The following CERS6 variants were observed in gnomAD, a reference collection of about 807,000 sequenced individuals.
CERS6 encodes the protein LAG1 homolog, ceramide synthase 6.
In CERS6, 26 loss-of-function variants were observed where a neutral mutation model predicts 56.8. The observed-to-expected ratio is 0.46, with a 90% CI of 0.34 to 0.63. The LOEUF (loss-of-function observed/expected upper bound fraction) is 0.63, where lower values mean the gene tolerates loss of function less well. CERS6 is among the 30% of genes least tolerant of loss of function. The probability of loss-of-function intolerance (pLI) is 0.01; values close to 1 mark genes in which losing one functional copy is unlikely to be tolerated. For missense variants in CERS6, 415 were observed against 467.5 expected, an observed-to-expected ratio of 0.89 and a Z score of 1.04; for synonymous variants, 164 against 173.3, an observed-to-expected ratio of 0.95 and a Z score of 0.42.
At chr2:168,603,797 A>G (rs1365624588) in intron 3 of CERS6, among the ~76,000 whole-genome samples, 1 of 152,212 alleles carries the variant, frequency 6.6e-6, no homozygotes, top group Non-Finnish European at 1.5e-5. Flanking sequence ...TTAGGAGCTT[A>G]AAGAGTCTGC....
intron 8 of CERS6, among the ~76,000 whole-genome samples, chr2:168,737,828 T>C (rs941235509): frequency 2.0e-5 from 3 of 152,214 alleles, no homozygotes; most frequent in Non-Finnish European, 2.9e-5. Context: ...TTGGGAAATA[T>C]TTAGTGACAG....
intron 1 of CERS6, among the ~76,000 whole-genome samples, chr2:168,523,578 C>T (rs1285159840): frequency 2.6e-5 from 4 of 151,970 alleles, no homozygotes; most frequent in African/African-American, 4.8e-5. Flanking sequence ...CAAGCTCTGG[C>T]CATTAGGGAC....
chr2:168,659,745 G>T (rs1214162828), intron 4 of CERS6, among the ~76,000 whole-genome samples: 1 of 151,688 alleles, frequency 6.6e-6, no homozygotes, highest in Non-Finnish European at 1.5e-5. Flanking sequence ...AAGTTGGATG[G>T]TGGCTTGGCT....
intron 1 of CERS6, among the ~76,000 whole-genome samples, chr2:168,539,945 T>C (rs986011968): frequency 6.6e-6 from 1 of 152,238 alleles, no homozygotes; most frequent in African/African-American, 2.4e-5. Flanking sequence ...GCAAGCACTT[T>C]TGTATTTACC....
chr2:168,523,623 C>G (rs1695021956), intron 1 of CERS6, among the ~76,000 whole-genome samples: 1 of 151,996 alleles, frequency 6.6e-6, no homozygotes, highest in African/African-American at 2.4e-5. Flanking sequence ...GGCCAATAAC[C>G]AAATGACTAT....
At chr2:168,665,795 C>T (rs1448898125) in intron 4 of CERS6, among the ~76,000 whole-genome samples, 3 of 152,224 alleles carry the variant, frequency 2.0e-5, no homozygotes, top group Non-Finnish European at 4.4e-5. Flanking sequence ...AGTAAGTGAA[C>T]GAACTACAGT....
chr2:168,541,736 C>T (rs575092297), intron 1 of CERS6, among the ~76,000 whole-genome samples: 14 of 152,124 alleles, frequency 9.2e-5, no homozygotes, highest in Non-Finnish European at 1.9e-4. Flanking sequence ...TGGCTTTAGT[C>T]TCAGATAAAT....
chr2:168,533,204 A>G (rs1305484738), intron 1 of CERS6, among the ~76,000 whole-genome samples: 2 of 152,140 alleles, frequency 1.3e-5, no homozygotes, highest in Non-Finnish European at 2.9e-5. Context: ...CATCAGGGAT[A>G]TTGGCCTGAA....
intron 3 of CERS6, among the ~76,000 whole-genome samples, chr2:168,568,180 G>T (rs1695917770): frequency 6.6e-6 from 1 of 152,206 alleles, no homozygotes; most frequent in Non-Finnish European, 1.5e-5. Flanking sequence ...TACTGCTGTG[G>T]TCTGCCTACA....
chr2:168,518,984 C>T (rs189407939), intron 1 of CERS6, among the ~76,000 whole-genome samples: 10 of 152,210 alleles, frequency 6.6e-5, no homozygotes, highest in East Asian at 5.8e-4. Flanking sequence ...TGGAATTGCC[C>T]GGGGAGCTCC....
intron 8 of CERS6, among the ~76,000 whole-genome samples, chr2:168,743,136 T>C (rs1416961865): frequency 6.6e-6 from 1 of 151,022 alleles, no homozygotes; most frequent in Non-Finnish European, 1.5e-5. Context: ...GGAAGGATTA[T>C]TGTCTATATT....
chr2:168,584,249 G>A (rs1683487891), intron 3 of CERS6, among the ~76,000 whole-genome samples: 1 of 152,222 alleles, frequency 6.6e-6, no homozygotes, highest in South Asian at 2.1e-4. Flanking sequence ...GTGAGCTGCA[G>A]TGAAACTGTA....
chr2:168,505,402 GA>G (rs1287343732), intron 1 of CERS6, among the ~76,000 whole-genome samples: 10 of 90,344 alleles, frequency 1.1e-4, no homozygotes, highest in African/African-American at 4.1e-4. Flanking sequence ...AAAAAAAAAA[GA>G]AAAAAAAAGA....
chr2:168,670,388 C>T (rs1685877369), intron 4 of CERS6, among the ~76,000 whole-genome samples: 2 of 152,080 alleles, frequency 1.3e-5, no homozygotes, highest in South Asian at 2.1e-4. Flanking sequence ...TCTAATTATC[C>T]CCATCCCAGA....
At chr2:168,511,342 C>T (rs1574033200) in intron 1 of CERS6, among the ~76,000 whole-genome samples, 1 of 152,250 alleles carries the variant, frequency 6.6e-6, no homozygotes, top group East Asian at 1.9e-4. Flanking sequence ...CCATCATCTC[C>T]CATTGAATTG....
At chr2:168,743,714 A>G (rs2105433586) in intron 8 of CERS6, among the ~76,000 whole-genome samples, 1 of 152,298 alleles carries the variant, frequency 6.6e-6, no homozygotes, top group Non-Finnish European at 1.5e-5. Context: ...AAAGTCTGTA[A>G]TCAACATTGC....
chr2:168,489,784 G>A (rs1162626262), intron 1 of CERS6, among the ~76,000 whole-genome samples: 1 of 151,986 alleles, frequency 6.6e-6, no homozygotes, highest in African/African-American at 2.4e-5. Context: ...TCACCATGGA[G>A]GATATTTATA....
intron 3 of CERS6, among the ~76,000 whole-genome samples, chr2:168,622,293 T>A (rs1270148642): frequency 6.6e-6 from 1 of 152,216 alleles, no homozygotes; most frequent in Non-Finnish European, 1.5e-5. Context: ...TAATAATGTT[T>A]TAAGAACGTT....
intron 1 of CERS6, among the ~76,000 whole-genome samples, chr2:168,524,585 CAAT>C (rs1217312919): frequency 6.6e-6 from 1 of 152,074 alleles, no homozygotes; most frequent in Non-Finnish European, 1.5e-5. Flanking sequence ...AAATGATAAA[CAAT>C]AATATTATTG....
Sources: gnomAD v4.1 joint callset for allele counts (sites outside exome capture counted in the v4.1 genomes callset) on GRCh38, gnomAD v4.1.1 for gene constraint, MANE v1.5 for transcripts, NCBI Gene and HGNC (gene_info 2026-07-23, HGNC 2026-07-21) for gene names.